Variants in CELF2 observed in about 807,000 individuals in gnomAD.
CELF2 encodes CUG triplet repeat RNA-binding protein 2.
A neutral mutation model predicts 62.6 loss-of-function variants in CELF2; 8 were observed. That is an observed-to-expected ratio of 0.13 (90% confidence interval 0.07 to 0.23). CELF2 has a LOEUF of 0.23. Among genes scored for constraint, CELF2 ranks in the 10% least tolerant of loss-of-function variants. The pLI is 1.00. For synonymous variants in CELF2, 258 were observed against 250.0 expected (o/e 1.03, Z -0.30); for missense variants, 333 against 671.0 (o/e 0.50, Z 5.56).
intron 2 of CELF2, among the ~76,000 whole-genome samples, chr10:10,940,603 T>C (rs1197227975): frequency 1.3e-5 from 2 of 152,236 alleles, no homozygotes; most frequent in Non-Finnish European, 2.9e-5. Context: ...GTAACTCATA[T>C]GGCTATCTTA....
chr10:11,118,898 G>C (rs2057136616), intron 1 of CELF2, among the ~76,000 whole-genome samples: 1 of 152,206 alleles, frequency 6.6e-6, no homozygotes. Context: ...CCTTTCGCAA[G>C]TCACTTAACT....
chr10:11,054,792 G>A (rs1388809594), intron 1 of CELF2, among the ~76,000 whole-genome samples: 1 of 152,154 alleles, frequency 6.6e-6, no homozygotes, highest in Admixed American at 6.5e-5. Flanking sequence ...TTGGCTCACT[G>A]CGACATCCGC....
chr10:11,053,132 A>G (rs1424913572), intron 1 of CELF2, among the ~76,000 whole-genome samples: 2 of 152,254 alleles, frequency 1.3e-5, no homozygotes, highest in Non-Finnish European at 2.9e-5. Flanking sequence ...AATCCAATTC[A>G]TCTATGCCTT....
chr10:10,465,211 G>A, the CELF2 span, among the ~76,000 whole-genome samples: 1 of 152,074 alleles, frequency 6.6e-6, no homozygotes, highest in Non-Finnish European at 1.5e-5. Context: ...TATTATAAAT[G>A]TTCACTGAGG....
chr10:10,693,430 T>A, the CELF2 span, among the ~76,000 whole-genome samples: 1 of 150,692 alleles, frequency 6.6e-6, no homozygotes, highest in Admixed American at 6.6e-5. Context: ...TATTGAGGAT[T>A]TTTGCATCAA....
At chr10:11,273,524 A>T (rs2084695315) in intron 7 of CELF2, among the ~76,000 whole-genome samples, 1 of 152,072 alleles carries the variant, frequency 6.6e-6, no homozygotes, top group Admixed American at 6.5e-5. Flanking sequence ...CCGGTGCCAA[A>T]AAGGTTGGGG....
chr10:10,785,721 G>A, the CELF2 span, among the ~76,000 whole-genome samples: 2 of 152,138 alleles, frequency 1.3e-5, no homozygotes, highest in Non-Finnish European at 2.9e-5. Context: ...ACTAGAGCAT[G>A]GGAGGGATGG....
the CELF2 span, among the ~76,000 whole-genome samples, chr10:10,556,865 C>T: frequency 1.3e-5 from 2 of 148,666 alleles, no homozygotes; most frequent in East Asian, 2.0e-4. Flanking sequence ...CCTTCGCCCA[C>T]TTTTTGATGG....
chr10:10,465,726 T>C, the CELF2 span, among the ~76,000 whole-genome samples: 14 of 152,164 alleles, frequency 9.2e-5, no homozygotes, highest in Admixed American at 5.2e-4. Flanking sequence ...AACACTATAA[T>C]TCTTTTATTC....
chr10:10,624,906 G>A, the CELF2 span, among the ~76,000 whole-genome samples: 17 of 152,212 alleles, frequency 1.1e-4, no homozygotes, highest in African/African-American at 3.6e-4. Context: ...AAAGGTCCTC[G>A]TGCTGCTACT....
intron 1 of CELF2, among the ~76,000 whole-genome samples, chr10:11,031,769 C>G (rs973482090): frequency 6.6e-6 from 1 of 152,124 alleles, no homozygotes; most frequent in Non-Finnish European, 1.5e-5. Context: ...TCACTCCACC[C>G]TCATTATAAG....
At chr10:11,006,752 T>C (rs2055349562) in intron 1 of CELF2, among the ~76,000 whole-genome samples, 1 of 152,214 alleles carries the variant, frequency 6.6e-6, no homozygotes, top group Non-Finnish European at 1.5e-5. Flanking sequence ...TTATATAGCC[T>C]ATTAAGTTGT....
chr10:11,317,185 A>C (rs1448693313), intron 10 of CELF2: 4 of 152,226 alleles, frequency 2.6e-5, no homozygotes, highest in African/African-American at 9.6e-5. Context: ...TTTAAAAAAA[A>C]AAAAACAGCT....
the CELF2 span, among the ~76,000 whole-genome samples, chr10:10,664,128 A>G: frequency 1.3e-5 from 2 of 152,182 alleles, no homozygotes; most frequent in African/African-American, 4.8e-5. Flanking sequence ...ACAAAAACAC[A>G]GTTTTGGTGG....
At chr10:10,736,886 C>T in the CELF2 span, among the ~76,000 whole-genome samples, 2 of 152,072 alleles carry the variant, frequency 1.3e-5, no homozygotes, top group Non-Finnish European at 2.9e-5. Context: ...TTTCCTAATA[C>T]TGTAGGGATT....
At chr10:11,130,733 A>G (rs371160265) in intron 1 of CELF2, among the ~76,000 whole-genome samples, 3 of 152,374 alleles carry the variant, frequency 2.0e-5, no homozygotes, top group South Asian at 4.1e-4. Flanking sequence ...TGCTATGCCA[A>G]TAATTGTTGG....
intron 2 of CELF2, among the ~76,000 whole-genome samples, chr10:10,924,240 C>T (rs1447060168): frequency 7.3e-6 from 1 of 136,132 alleles, no homozygotes; most frequent in African/African-American, 2.8e-5. Context: ...CGAGATCGCG[C>T]CACTGCACTC....
At chr10:10,506,420 C>T in the CELF2 span, among the ~76,000 whole-genome samples, 1 of 152,004 alleles carries the variant, frequency 6.6e-6, no homozygotes, top group Non-Finnish European at 1.5e-5. Context: ...ATTTAATGAT[C>T]TTCAAATATT....
rs1482657570 is a variant in CELF2 at position 10,997,485 on chromosome 10, G to A, written c.89+77486G>A. On this transcript the variant is annotated intron_variant, in intron 2 of 13. Coordinates refer to the CELF2 transcript ENST00000636488. The surrounding 1 kb of genome is among the most constrained non-coding windows in gnomAD (Gnocchi z 5.3). ...ACTGTGGTCTTTATTAAGCTTGTGTGGTTTACTTCTTAGGATTCCCTAGAA... is the reference window on the plus strand; with the variant it reads ...ACTGTGGTCTTTATTAAGCTTGTGTAGTTTACTTCTTAGGATTCCCTAGAA... Among the ~76,000 whole-genome samples the A allele has an allele frequency of 1.3e-5, 2 of 152,116 alleles. No homozygotes were observed. Among genetic ancestry groups the A allele is most frequent in the African/African-American group, 2.4e-5 (1 of 41,422 alleles).
Sources: gnomAD v4.1 joint callset for allele counts (sites outside exome capture counted in the v4.1 genomes callset) on GRCh38, gnomAD v4.1.1 for gene constraint, Gnocchi (gnomAD v3.1) non-coding constraint, MANE v1.5 for transcripts, NCBI Gene and HGNC (gene_info 2026-07-23, HGNC 2026-07-21) for gene names.